The following SPATA17 variants were observed in gnomAD, a reference collection of about 807,000 sequenced individuals.
SPATA17 encodes spermatogenesis-associated protein 17.
A neutral mutation model predicts 62.2 loss-of-function variants in SPATA17; 53 were observed. The ratio of observed to expected loss-of-function variants is 0.85; its 90% confidence interval spans 0.68 to 1.07. SPATA17 has a LOEUF of 1.07. Ranked by LOEUF, SPATA17 falls within the 50% of genes least tolerant of loss-of-function variation. The probability of loss-of-function intolerance (pLI) is 0.00; values close to 1 mark genes in which losing one functional copy is unlikely to be tolerated. For synonymous variants in SPATA17, 146 were observed against 146.8 expected, an observed-to-expected ratio of 0.99 and a Z score of 0.04; for missense variants, 466 against 425.5, an observed-to-expected ratio of 1.10 and a Z score of -0.84.
chr1:217,785,221 C>T (rs1673831425), intron 8 of SPATA17: 1 of 152,210 alleles, frequency 6.6e-6, no homozygotes, highest in South Asian at 2.1e-4. Flanking sequence ...TTACCCTACT[C>T]CAGTATGACC....
At chr1:217,829,706 A>G (rs1675088420) in intron 9 of SPATA17, among the ~76,000 whole-genome samples, 1 of 151,536 alleles carries the variant, frequency 6.6e-6, no homozygotes, top group African/African-American at 2.4e-5. Context: ...AAACGAGCTC[A>G]AATACACATA....
At chr1:217,656,546 ATATGTATGTATGTATG>A (rs34179742) in intron 3 of SPATA17, among the ~76,000 whole-genome samples, 1 of 150,508 alleles carries the variant, frequency 6.6e-6, no homozygotes, top group Non-Finnish European at 1.5e-5. Context: ...TAGGTCTGAT[ATATGTATGTATGTATG>A]TATGTATGTA....
intron 6 of SPATA17, among the ~76,000 whole-genome samples, chr1:217,769,347 A>G (rs1017082569): frequency 6.6e-6 from 1 of 152,214 alleles, no homozygotes; most frequent in African/African-American, 2.4e-5. Flanking sequence ...TTCCCCTTGC[A>G]CTATATCCCT....
chr1:217,812,828 T>C (rs1400805874), intron 9 of SPATA17, among the ~76,000 whole-genome samples: 1 of 152,208 alleles, frequency 6.6e-6, no homozygotes, highest in Non-Finnish European at 1.5e-5. Context: ...TTTATCTGAA[T>C]TGGAATGAGT....
At chr1:217,664,111 T>G (rs1670632343) in intron 3 of SPATA17, among the ~76,000 whole-genome samples, 1 of 151,894 alleles carries the variant, frequency 6.6e-6, no homozygotes, top group Admixed American at 6.6e-5. Context: ...GTTGACAACG[T>G]CTGGAGCATG....
intron 5 of SPATA17, among the ~76,000 whole-genome samples, chr1:217,710,799 G>A (rs762831515): frequency 2.1e-5 from 3 of 145,940 alleles, no homozygotes; most frequent in Non-Finnish European, 4.5e-5. Context: ...ACACTAAAAA[G>A]CAACCCTATA....
chr1:217,735,722 G>A, intron 5 of SPATA17, among the ~76,000 whole-genome samples: 1 of 152,048 alleles, frequency 6.6e-6, no homozygotes, highest in East Asian at 1.9e-4. Context: ...AACGATGGAG[G>A]TTTTGTGTTT....
intron 5 of SPATA17, among the ~76,000 whole-genome samples, chr1:217,689,385 C>G (rs989353434): frequency 6.6e-6 from 1 of 151,752 alleles, no homozygotes; most frequent in Non-Finnish European, 1.5e-5. Context: ...GCCACCACGC[C>G]CGGCTAATTT....
intron 4 of SPATA17, among the ~76,000 whole-genome samples, chr1:217,676,546 A>G (rs1239779782): frequency 6.6e-6 from 1 of 152,200 alleles, no homozygotes; most frequent in Non-Finnish European, 1.5e-5. Flanking sequence ...TGTTTAGAGT[A>G]TACTAGTCTT....
At chr1:217,802,311 A>G (rs1245201695) in intron 9 of SPATA17, among the ~76,000 whole-genome samples, 1 of 152,230 alleles carries the variant, frequency 6.6e-6, no homozygotes, top group Non-Finnish European at 1.5e-5. Context: ...GCATATATGT[A>G]TATGTGCAAC....
chr1:217,687,992 A>AT (rs1218182914), intron 5 of SPATA17, among the ~76,000 whole-genome samples: 2 of 152,196 alleles, frequency 1.3e-5, no homozygotes, highest in Non-Finnish European at 2.9e-5. Flanking sequence ...GAACTTAAAA[A>AT]ACATCATACA....
chr1:217,667,001 A>G (rs114506445), intron 3 of SPATA17, among the ~76,000 whole-genome samples: 6,681 of 151,326 alleles, frequency 0.044, 228 homozygotes, highest in Middle Eastern at 0.1. Flanking sequence ...GTTAGTTCAT[A>G]ATAAAATTGA....
chr1:217,759,536 G>A (rs974723952), intron 6 of SPATA17, among the ~76,000 whole-genome samples: 2 of 152,144 alleles, frequency 1.3e-5, no homozygotes, highest in African/African-American at 2.4e-5. Flanking sequence ...ACCTTTCTGT[G>A]GTGACTGTGA....
At chr1:217,826,228 G>A (rs1674999577) in intron 9 of SPATA17, among the ~76,000 whole-genome samples, 1 of 152,208 alleles carries the variant, frequency 6.6e-6, no homozygotes, top group South Asian at 2.1e-4. Flanking sequence ...ATGTACAAAT[G>A]GAGACAGAAA....
At chr1:217,714,267 T>C (rs1166261825) in intron 5 of SPATA17, among the ~76,000 whole-genome samples, 2 of 151,770 alleles carry the variant, frequency 1.3e-5, no homozygotes, top group Admixed American at 6.6e-5. Flanking sequence ...CAGGCGCGTG[T>C]AATCCCAGCT....
intron 9 of SPATA17, among the ~76,000 whole-genome samples, chr1:217,831,507 C>T (rs1675141164): frequency 6.6e-6 from 1 of 152,068 alleles, no homozygotes; most frequent in Non-Finnish European, 1.5e-5. Context: ...GAATGCCTCT[C>T]CTAACTGCAT....
chr1:217,760,938 A>T (rs909350451), intron 6 of SPATA17, among the ~76,000 whole-genome samples: 9 of 152,058 alleles, frequency 5.9e-5, no homozygotes, highest in Non-Finnish European at 1.2e-4. Context: ...ATATTTTGTG[A>T]TTTTCTTCTA....
At chr1:217,660,155 T>G (rs946723320) in intron 3 of SPATA17, among the ~76,000 whole-genome samples, 5 of 152,254 alleles carry the variant, frequency 3.3e-5, no homozygotes, top group African/African-American at 1.2e-4. Flanking sequence ...TCATTGGTCT[T>G]ATTTCCTACG....
chr1:217,843,538 C>T (rs1415045481), intron 9 of SPATA17, among the ~76,000 whole-genome samples: 2 of 151,916 alleles, frequency 1.3e-5, no homozygotes, highest in African/African-American at 2.4e-5. Flanking sequence ...TTTTTTGAGG[C>T]CTTGAATGTC....
Sources: gnomAD v4.1 joint callset for allele counts (sites outside exome capture counted in the v4.1 genomes callset) on GRCh38, gnomAD v4.1.1 for gene constraint, MANE v1.5 for transcripts, NCBI Gene and HGNC (gene_info 2026-07-23, HGNC 2026-07-21) for gene names.